Variants in EIF2B3 observed in about 807,000 individuals in gnomAD.
The protein encoded by EIF2B3 is eukaryotic translation initiation factor 2B subunit gamma.
A neutral mutation model predicts 54.1 loss-of-function variants in EIF2B3; 20 were observed. The observed-to-expected ratio is 0.37, with a 90% CI of 0.26 to 0.54. The LOEUF (loss-of-function observed/expected upper bound fraction) is 0.54, where lower values mean the gene tolerates loss of function less well. EIF2B3 is among the 20% of genes least tolerant of loss of function. The pLI, the probability that EIF2B3 is intolerant of heterozygous loss-of-function variation, is 0.86. For missense variants in EIF2B3, 448 were observed against 547.8 expected (o/e 0.82, Z 1.82); for synonymous variants, 153 against 188.1 (o/e 0.81, Z 1.52).
intron 6 of EIF2B3, among the ~76,000 whole-genome samples, chr1:44,890,209 G>A (rs192765014): frequency 7.2e-5 from 11 of 152,206 alleles, no homozygotes; most frequent in Non-Finnish European, 1.0e-4. Context: ...GTCTGTTTTT[G>A]TCTTCCAGCT....
At chr1:44,916,507 C>G (rs922328906) in intron 5 of EIF2B3, among the ~76,000 whole-genome samples, 3 of 146,474 alleles carry the variant, frequency 2.0e-5, no homozygotes, top group African/African-American at 7.5e-5. Flanking sequence ...GGATTACAGG[C>G]TGGTTGAAGT....
intron 3 of EIF2B3, among the ~76,000 whole-genome samples, chr1:44,943,824 G>A (rs1644066573): frequency 6.6e-6 from 1 of 152,122 alleles, no homozygotes; most frequent in Non-Finnish European, 1.5e-5. Flanking sequence ...TATAACTAAA[G>A]AATCTGTATT....
chr1:44,875,549 C>T (rs1200327376), intron 9 of EIF2B3, 69 bp downstream of exon 9: 7 of 1,487,648 alleles, frequency 4.7e-6, no homozygotes, highest in Non-Finnish European at 6.6e-6. Flanking sequence ...CTCAATCCGG[C>T]TTCTCAAAAA....
At chr1:44,972,393 G>C (rs776014605) in intron 3 of EIF2B3, 2 of 151,726 alleles carry the variant, frequency 1.3e-5, no homozygotes, top group African/African-American at 4.9e-5. Flanking sequence ...ACCTGAGATC[G>C]GGAGTTTGAG....
At chr1:44,956,021 C>T (rs1644220794) in intron 3 of EIF2B3, among the ~76,000 whole-genome samples, 1 of 152,074 alleles carries the variant, frequency 6.6e-6, no homozygotes, top group Non-Finnish European at 1.5e-5. Context: ...TGGGTATATA[C>T]CCAAAGGATT....
intron 10 of EIF2B3, among the ~76,000 whole-genome samples, chr1:44,869,383 C>A (rs1212313256): frequency 6.6e-6 from 1 of 151,092 alleles, no homozygotes; most frequent in East Asian, 2.0e-4. Context: ...GAGTTTGAGG[C>A]AGGAGAATCG....
intron 6 of EIF2B3, among the ~76,000 whole-genome samples, chr1:44,883,916 G>A (rs983540226): frequency 6.6e-6 from 1 of 152,112 alleles, no homozygotes; most frequent in Non-Finnish European, 1.5e-5. Context: ...ACAACTCACT[G>A]CAGTCTTGAC....
In EIF2B3 at chr1:44,949,966, G is replaced by A. The variant is rs543867225; in HGVS notation, c.295-8301C>T. ...AGTTCCCTATAAAAATGCCTGTCAC[G>A]TCTCTTCTAGGATTTAGATATATGC... is the stretch of plus-strand genomic sequence containing the variant. On this transcript the variant is annotated intron_variant, in intron 3 of 11. Transcript: ENST00000360403. Among the ~76,000 whole-genome samples, 471 of 152,176 alleles carry A rather than the reference G, an allele frequency of 3.1e-3. 2 individuals are homozygous for A. The highest frequency in any genetic ancestry group is 3.6e-3 in the Non-Finnish European group (245 of 68,004).
At chr1:44,933,995 G>A (rs970318641) in intron 4 of EIF2B3, among the ~76,000 whole-genome samples, 2 of 152,088 alleles carry the variant, frequency 1.3e-5, no homozygotes, top group Non-Finnish European at 2.9e-5. Flanking sequence ...GGTGGCACAT[G>A]CCTGTAATCC....
intron 4 of EIF2B3, among the ~76,000 whole-genome samples, chr1:44,927,097 G>A (rs1643862989): frequency 6.6e-6 from 1 of 151,590 alleles, no homozygotes; most frequent in Admixed American, 6.6e-5. Flanking sequence ...TCGTGCCACT[G>A]TAGTGCACTC....
At chr1:44,918,955 C>CGG (rs1475649296) in intron 5 of EIF2B3, among the ~76,000 whole-genome samples, 1 of 152,212 alleles carries the variant, frequency 6.6e-6, no homozygotes, top group East Asian at 1.9e-4. Flanking sequence ...TTTATTCCCT[C>CGG]ATGCTTCCAA....
rs141737646 is a variant in EIF2B3 at position 44,942,491 on chromosome 1, G to A, written c.295-826C>T. On this transcript the variant is annotated intron_variant, in intron 3 of 11. Transcript: ENST00000360403. The stretch of plus-strand genomic sequence containing the variant: ...CACCTAGACTGGAATGCAGCGGTGC[G>A]GTCACAGCTCACTGCAGCCTCGACC... Among the ~76,000 whole-genome samples the A allele has an allele frequency of 1.4e-3, 187 of 134,470 alleles. 3 individuals carry two copies. In the East Asian group the frequency reaches 0.034, roughly 25 times the overall value. 88.2% of individuals were successfully genotyped at this position (134,470 alleles called of 152,430 possible). A position where few individuals can be genotyped will look rare whatever the true frequency, so the allele number is the denominator to read the frequency against.
chr1:44,913,274 G>T lies in EIF2B3; in HGVS notation c.566+13354C>A, dbSNP rs990847361. Among the ~76,000 whole-genome samples the T allele has an allele frequency of 4.0e-5, 6 of 151,696 alleles. No individual in the cohort carries two copies. In the South Asian group the frequency reaches 1.2e-3, roughly 32 times the overall value. ...CAAAAAAACTCCCTCTGCTTCCTAC[G>T]TTTTTATTTTGATAAATGGATTTAG... On this transcript the variant is annotated intron_variant, in intron 5 of 11. Coordinates refer to ENST00000360403, the MANE Select transcript of EIF2B3 (RefSeq NM_020365.5).
chr1:44,903,567 T>C (rs1643356239), intron 5 of EIF2B3, among the ~76,000 whole-genome samples: 2 of 152,014 alleles, frequency 1.3e-5, no homozygotes, highest in African/African-American at 2.4e-5. Context: ...CCTAGAAGGG[T>C]GGGTAGAAAA....
intron 6 of EIF2B3, among the ~76,000 whole-genome samples, chr1:44,896,733 T>C (rs888786924): frequency 2.6e-5 from 4 of 152,188 alleles, no homozygotes; most frequent in Non-Finnish European, 5.9e-5. Flanking sequence ...TGAGATCAAC[T>C]GCAAAAGGGG....
chr1:44,874,640 A>T (rs1449060265), intron 10 of EIF2B3, 38 bp downstream of exon 10: 1 of 1,604,024 alleles, frequency 6.2e-7, no homozygotes, highest in Admixed American at 1.7e-5. Context: ...GCATTTTTCC[A>T]TTATCTTTGC....
At chr1:44,907,746 C>A (rs1025186812) in intron 5 of EIF2B3, among the ~76,000 whole-genome samples, 3 of 151,324 alleles carry the variant, frequency 2.0e-5, no homozygotes, top group Non-Finnish European at 4.4e-5. Context: ...ATTAAAAATA[C>A]AAAATTAGCC....
At chr1:44,924,666 G>A (rs528959395) in intron 5 of EIF2B3, among the ~76,000 whole-genome samples, 1 of 152,276 alleles carries the variant, frequency 6.6e-6, no homozygotes, top group East Asian at 1.9e-4. Flanking sequence ...AATTACAGGC[G>A]TGAGCCACCA....
intron 1 of EIF2B3, among the ~76,000 whole-genome samples, chr1:44,983,952 C>A (rs971821188): frequency 6.6e-6 from 1 of 152,038 alleles, no homozygotes; most frequent in Non-Finnish European, 1.5e-5. Flanking sequence ...AGGTGATCCA[C>A]CTGCCTTGGC....
Sources: gnomAD v4.1 joint callset for allele counts (sites outside exome capture counted in the v4.1 genomes callset) on GRCh38, gnomAD v4.1.1 for gene constraint, MANE v1.5 for transcripts, NCBI Gene and HGNC (gene_info 2026-07-23, HGNC 2026-07-21) for gene names.